PTPN14: variants seen among roughly 807,000 people sequenced by gnomAD.
PTPN14 encodes the protein tyrosine-protein phosphatase non-receptor type 14.
In PTPN14, 53 loss-of-function variants were observed where a neutral mutation model predicts 126.8. That is an observed-to-expected ratio of 0.42 (90% CI 0.34 to 0.53). The LOEUF (loss-of-function observed/expected upper bound fraction) is 0.53, where lower values mean the gene tolerates loss of function less well. PTPN14 is among the 20% of genes least tolerant of loss of function. The pLI, the probability that PTPN14 is intolerant of heterozygous loss-of-function variation, is 0.08. For synonymous variants in PTPN14, 630 were observed against 599.3 expected, an observed-to-expected ratio of 1.05 and a Z score of -0.75; for missense variants, 1,257 against 1,552.9, an observed-to-expected ratio of 0.81 and a Z score of 3.20.
At chr1:214,455,428 T>C (rs911010545) in intron 2 of PTPN14, among the ~76,000 whole-genome samples, 1 of 152,226 alleles carries the variant, frequency 6.6e-6, no homozygotes, top group African/African-American at 2.4e-5. Context: ...GTTCTGTTTA[T>C]ATCTCAGGCA....
At chr1:214,400,083 C>T (rs747484966) in intron 7 of PTPN14, among the ~76,000 whole-genome samples, 3 of 152,116 alleles carry the variant, frequency 2.0e-5, no homozygotes, top group Non-Finnish European at 4.4e-5. Context: ...GAACCACTCA[C>T]GGAAAAGTTC....
intron 13 of PTPN14, among the ~76,000 whole-genome samples, chr1:214,381,314 C>A (rs1658467120): frequency 6.6e-6 from 1 of 152,180 alleles, no homozygotes; most frequent in South Asian, 2.1e-4. Context: ...CTGATAGGTT[C>A]TTGATGCTAA....
intron 3 of PTPN14, among the ~76,000 whole-genome samples, chr1:214,430,013 C>G (rs1026531918): frequency 6.6e-6 from 1 of 152,180 alleles, no homozygotes; most frequent in Admixed American, 6.5e-5. Flanking sequence ...ATCCTGTGAA[C>G]GTGTGACCCA....
At chr1:214,531,697 T>C (rs1005246105) in intron 1 of PTPN14, 6 of 152,246 alleles carry the variant, frequency 3.9e-5, no homozygotes, top group African/African-American at 1.4e-4. Context: ...GACACCATTA[T>C]TTCTGAGCAG....
At chr1:214,501,929 G>T (rs1036123015) in intron 1 of PTPN14, among the ~76,000 whole-genome samples, 1 of 151,862 alleles carries the variant, frequency 6.6e-6, no homozygotes, top group African/African-American at 2.4e-5. Flanking sequence ...CATGGTGGTG[G>T]GCGCCTGTAG....
At chr1:214,429,453 A>G (rs1040696761) in intron 3 of PTPN14, among the ~76,000 whole-genome samples, 7 of 152,238 alleles carry the variant, frequency 4.6e-5, no homozygotes, top group African/African-American at 1.7e-4. Flanking sequence ...ACATGCTTTT[A>G]TAATTCTTAA....
intron 2 of PTPN14, among the ~76,000 whole-genome samples, chr1:214,463,368 A>C (rs1558114064): frequency 6.6e-6 from 1 of 152,162 alleles, no homozygotes; most frequent in South Asian, 2.1e-4. Flanking sequence ...CATTTCACAT[A>C]TTTATTCTAC....
chr1:214,429,777 C>T (rs1659755843), intron 3 of PTPN14, among the ~76,000 whole-genome samples: 1 of 152,060 alleles, frequency 6.6e-6, no homozygotes, highest in African/African-American at 2.4e-5. Flanking sequence ...TTACTTCATG[C>T]TAAGGATCAA....
At chr1:214,535,799 G>A (rs1490056987) in intron 1 of PTPN14, among the ~76,000 whole-genome samples, 1 of 149,548 alleles carries the variant, frequency 6.7e-6, no homozygotes, top group South Asian at 2.1e-4. Flanking sequence ...AAAAGGATTT[G>A]CTGAGATAAT....
intron 1 of PTPN14, among the ~76,000 whole-genome samples, chr1:214,522,752 C>T (rs577175035): frequency 2.0e-5 from 3 of 152,116 alleles, no homozygotes; most frequent in African/African-American, 4.8e-5. Context: ...AAAGTAAAGA[C>T]CGCAAGCAGT....
chr1:214,401,051 G>T (rs1325117523), intron 7 of PTPN14, among the ~76,000 whole-genome samples: 1 of 152,148 alleles, frequency 6.6e-6, no homozygotes, highest in Non-Finnish European at 1.5e-5. Context: ...TCAACAGAGA[G>T]TGGAAAATGA....
intron 11 of PTPN14, among the ~76,000 whole-genome samples, chr1:214,390,083 A>G (rs1474751537): frequency 6.6e-6 from 1 of 152,248 alleles, no homozygotes; most frequent in East Asian, 1.9e-4. Context: ...AAGACATGCT[A>G]TAGTGTATAC....
chr1:214,493,404 C>A (rs1017021382), intron 1 of PTPN14, among the ~76,000 whole-genome samples: 13 of 152,260 alleles, frequency 8.5e-5, no homozygotes, highest in African/African-American at 3.1e-4. Context: ...CAAGACAGCA[C>A]AAAGGATAAA....
At chr1:214,539,297 A>T (rs1655783037) in intron 1 of PTPN14, among the ~76,000 whole-genome samples, 1 of 152,184 alleles carries the variant, frequency 6.6e-6, no homozygotes, top group South Asian at 2.1e-4. Flanking sequence ...ATTCTTACTA[A>T]AATGAATTTA....
intron 11 of PTPN14, 148 bp downstream of exon 11, chr1:214,390,840 T>A: frequency 1.8e-6 from 1 of 552,858 alleles, no homozygotes; most frequent in Non-Finnish European, 2.9e-6. Flanking sequence ...AAAACGGGTG[T>A]CCATCGCATC....
chr1:214,414,425 A>G (rs148425149), intron 4 of PTPN14, among the ~76,000 whole-genome samples: 236 of 152,342 alleles, frequency 1.5e-3, no homozygotes, highest in African/African-American at 5.5e-3. Flanking sequence ...AAGCATGAGC[A>G]GTTTGCAAAC....
chr1:214,511,676 AC>A (rs1394432673), intron 1 of PTPN14, among the ~76,000 whole-genome samples: 2 of 152,156 alleles, frequency 1.3e-5, no homozygotes, highest in African/African-American at 4.8e-5. Flanking sequence ...CTGAGTATAG[AC>A]CCAAAAGAAT....
At chr1:214,538,492 T>C (rs1311194030) in intron 1 of PTPN14, among the ~76,000 whole-genome samples, 1 of 152,108 alleles carries the variant, frequency 6.6e-6, no homozygotes, top group Non-Finnish European at 1.5e-5. Context: ...AGGCCAAAGA[T>C]AGGAGTGGGG....
Position 214,391,015 on chromosome 1 carries a change from G to A in PTPN14, c.960C>T (p.Arg320=), listed in dbSNP as rs781322019. 10 of 1,587,290 alleles carry A rather than the reference G, an allele frequency of 6.3e-6. No individual in the cohort carries two copies. Among genetic ancestry groups the A allele is most frequent in the Middle Eastern group, 1.7e-4 (1 of 6,012 alleles). Residue 320 remains arginine (R), a synonymous_variant, in exon 11 of 19, where the codon CGC becomes CGT. Coordinates refer to ENST00000366956, the MANE Select transcript of PTPN14 (RefSeq NM_005401.5). ...EQSNSPPPIR[R]QPTWSRSSLP... The stretch of plus-strand genomic sequence containing the variant: ...GAGAGGATCGGCTCCAGGTGGGCTG[G>A]CGTCTGATGGGGGGTGGAGAATTTG...
Sources: gnomAD v4.1 joint callset for allele counts (sites outside exome capture counted in the v4.1 genomes callset) on GRCh38, gnomAD v4.1.1 for gene constraint, MANE v1.5 for transcripts, NCBI Gene and HGNC (gene_info 2026-07-23, HGNC 2026-07-21) for gene names.